The following TNRC6B variants were observed in gnomAD, a reference collection of about 807,000 sequenced individuals.
TNRC6B encodes trinucleotide repeat containing adaptor 6B.
TNRC6B carries 52 observed loss-of-function variants against 203.6 expected under a neutral mutation model. That is an observed-to-expected ratio of 0.26 (90% CI 0.20 to 0.32). TNRC6B has a LOEUF of 0.32. TNRC6B is among the 10% of genes least tolerant of loss of function. The probability of loss-of-function intolerance (pLI) is 1.00; values close to 1 mark genes in which losing one functional copy is unlikely to be tolerated. For synonymous variants in TNRC6B, 838 were observed against 845.7 expected (o/e 0.99, Z 0.16); for missense variants, 1,923 against 2,286.2 (o/e 0.84, Z 3.24).
intron 3 of TNRC6B, among the ~76,000 whole-genome samples, chr22:40,127,872 A>C (rs993726327): frequency 8.5e-5 from 13 of 152,152 alleles, no homozygotes; most frequent in Admixed American, 6.5e-4. Context: ...CCCTGCCTCA[A>C]AAAAAAGGAA....
intron 12 of TNRC6B, among the ~76,000 whole-genome samples, chr22:40,294,205 A>G (rs1297789297): frequency 3.3e-5 from 5 of 152,092 alleles, no homozygotes; most frequent in African/African-American, 1.2e-4. Context: ...GTGAGCCATG[A>G]TCGTGCCACT....
chr22:40,264,711 G>C lies in TNRC6B; in HGVS notation c.481G>C (p.Ala161Pro). ...AGACTCAACCCTTGGAGGTGCTGCT[G>C]CTTCAAATTATGCAAATTCCACTTG... ...APDSTLGGAA[A>P]SNYANSTWGS... The change falls in exon 5 of 23, where the codon GCT becomes CCT. Residue 161 changes from alanine (A) to proline (P), a missense_variant. Physicochemically the swap from Ala to Pro is conservative, Grantham distance 27 (BLOSUM62 -1). This residue lies in a region of TNRC6B where 614 missense variants were observed against 587.7 expected (regional missense o/e 1.04). Transcript: ENST00000454349. 3 of 1,600,952 alleles carry C rather than the reference G, an allele frequency of 1.9e-6. No individual in the cohort carries two copies. The South Asian group carries it at 3.3e-5, about 18-fold the overall frequency.
At chr22:40,305,933 CT>C (rs1326628261) in intron 15 of TNRC6B, among the ~76,000 whole-genome samples, 1 of 151,520 alleles carries the variant, frequency 6.6e-6, no homozygotes, top group African/African-American at 2.4e-5. Flanking sequence ...TGCCCTTTTG[CT>C]ATAACTTTAA....
At chr22:40,319,931 TAG>T (rs933820439) in intron 21 of TNRC6B, among the ~76,000 whole-genome samples, 1 of 152,222 alleles carries the variant, frequency 6.6e-6, no homozygotes, top group African/African-American at 2.4e-5. Context: ...AAAATTTATC[TAG>T]AGAGCATCTA....
intron 1 of TNRC6B, among the ~76,000 whole-genome samples, chr22:40,066,583 T>A (rs1193914278): frequency 6.6e-6 from 1 of 152,148 alleles, no homozygotes; most frequent in Admixed American, 6.5e-5. Flanking sequence ...GCAGCTTTCC[T>A]TGTGTGATTT....
In TNRC6B at chr22:40,264,807, G is replaced by A; in HGVS notation, c.577G>A (p.Asp193Asn). The A allele has an allele frequency of 6.2e-7, 1 of 1,614,016 alleles. No homozygotes were observed. The highest frequency in any genetic ancestry group is 1.1e-5 in the South Asian group (1 of 91,078). The change falls in exon 5 of 23, where the codon GAC (aspartate) becomes AAC (asparagine). Residue 193 changes from aspartate (D) to asparagine (N), a missense_variant. This residue lies in a region of TNRC6B where 614 missense variants were observed against 587.7 expected (regional missense o/e 1.04). Transcript: ENST00000454349. ...PIHIWDKVIV[D>N]GSDMEEWPCI... ...TCACATCTGGGACAAGGTGATTGTA[G>A]ACGGGTCTGACATGGAAGAGTGGCC... is the stretch of plus-strand genomic sequence containing the variant.
intron 4 of TNRC6B, among the ~76,000 whole-genome samples, chr22:40,262,639 A>C (rs1342848845): frequency 6.6e-6 from 1 of 152,232 alleles, no homozygotes; most frequent in African/African-American, 2.4e-5. Context: ...TTTTTAAATT[A>C]GATTTTTAAA....
intron 19 of TNRC6B, among the ~76,000 whole-genome samples, chr22:40,313,502 T>C (rs758588665): frequency 2.6e-5 from 4 of 152,222 alleles, no homozygotes; most frequent in East Asian, 1.9e-4. Flanking sequence ...TTAAAAGATA[T>C]TAGGAAATGG....
At chr22:40,146,684 T>C (rs4820397) in intron 3 of TNRC6B, among the ~76,000 whole-genome samples, 88,700 of 151,434 alleles carry the variant, frequency 0.59, 29,007 homozygotes, top group African/African-American at 0.89. Context: ...CTCAGCCTCC[T>C]GAATAACTGG....
At position 40,052,121 on chromosome 22, in the gene TNRC6B, C is replaced by G. The variant is rs547870912; in HGVS notation, c.-121+7123C>G. Among the ~76,000 whole-genome samples, 8 of 152,316 alleles carry G rather than the reference C, an allele frequency of 5.3e-5. No homozygotes were observed. The South Asian group carries it at 1.7e-3, about 32-fold the overall frequency. On this transcript the variant is annotated intron_variant, in intron 1 of 23. Transcript: ENST00000301923. ...CCTCACCTAGAACCAGCTTCCTTAT[C>G]CAAATGTGCCAACCTTCCTTGCCAA...
chr22:40,211,142 T>A (rs2146421359), intron 1 of TNRC6B, among the ~76,000 whole-genome samples: 1 of 152,234 alleles, frequency 6.6e-6, no homozygotes, highest in South Asian at 2.1e-4. Context: ...AGACAGGATC[T>A]TGCTTTGTCA....
At chr22:40,245,382 C>T (rs913614592) in intron 1 of TNRC6B, among the ~76,000 whole-genome samples, 8 of 151,982 alleles carry the variant, frequency 5.3e-5, no homozygotes, top group East Asian at 3.9e-4. Context: ...TAAGCTACCA[C>T]GCCTATCCTG....
Position 40,325,746 on chromosome 22 carries a change from A to C in TNRC6B, c.*2505A>C, listed in dbSNP as rs2071393883. ...GGTTAAATCTTAGTGTCCCTGGGCCAGGAGCATATCCCAAGGCTCCTGCGA... is the reference window on the plus strand; with the variant it reads ...GGTTAAATCTTAGTGTCCCTGGGCCCGGAGCATATCCCAAGGCTCCTGCGA... On this transcript the variant is annotated 3_prime_UTR_variant, in exon 23 of 23. Coordinates refer to ENST00000454349, the MANE Select transcript of TNRC6B (RefSeq NM_001162501.2). 1 of 152,698 alleles carries C rather than the reference A, an allele frequency of 6.5e-6. No homozygotes were observed. The allele number at this position is 152,698 out of a possible 1,614,324, so 9.5% of individuals were successfully genotyped here.
chr22:40,191,270 G>A (rs1226125493), intron 1 of TNRC6B, among the ~76,000 whole-genome samples: 3 of 152,158 alleles, frequency 2.0e-5, no homozygotes, highest in African/African-American at 4.8e-5. Context: ...GATAGTAATA[G>A]TACCCACCTT....
chr22:40,069,162 A>G (rs1361371875), intron 1 of TNRC6B, among the ~76,000 whole-genome samples: 1 of 152,100 alleles, frequency 6.6e-6, no homozygotes, highest in East Asian at 1.9e-4. Flanking sequence ...TGCAGGTACA[A>G]TCATGCCCCA....
At chr22:40,139,005 G>A (rs1254438998) in intron 3 of TNRC6B, among the ~76,000 whole-genome samples, 1 of 152,092 alleles carries the variant, frequency 6.6e-6, no homozygotes, top group Non-Finnish European at 1.5e-5. Flanking sequence ...GGTTTTCAGT[G>A]TATTCACAGA....
intron 2 of TNRC6B, among the ~76,000 whole-genome samples, chr22:40,120,648 T>A (rs1234509876): frequency 6.6e-6 from 1 of 152,188 alleles, no homozygotes; most frequent in African/African-American, 2.4e-5. Context: ...ATGTCAGATA[T>A]AAGTTGAGAT....
chr22:40,274,313 C>A (rs1440117595), intron 7 of TNRC6B, among the ~76,000 whole-genome samples: 34 of 152,040 alleles, frequency 2.2e-4, no homozygotes, highest in Non-Finnish European at 2.2e-4. Flanking sequence ...ATCAGCACGT[C>A]TTGATTTTAT....
chr22:40,293,614 C>T (rs866733890), intron 12 of TNRC6B, among the ~76,000 whole-genome samples: 4 of 64,576 alleles, frequency 6.2e-5, no homozygotes, highest in Middle Eastern at 5.5e-3. Context: ...TGCCTGAGGG[C>T]GGGGGCGGAG....
Sources: allele counts gnomAD v4.1 joint callset (sites outside exome capture counted in the v4.1 genomes callset), GRCh38; gene constraint gnomAD v4.1.1; regional missense constraint gnomAD v4.1.1; transcripts MANE v1.5; gene names NCBI Gene and HGNC (gene_info 2026-07-23, HGNC 2026-07-21).